JAK1: variants seen among roughly 807,000 people sequenced by gnomAD.
The protein encoded by JAK1 is Janus kinase 1, also known as tyrosine-protein kinase JAK1.
A neutral mutation model predicts 136.6 loss-of-function variants in JAK1; 16 were observed. The ratio of observed to expected loss-of-function variants is 0.12; its 90% CI spans 0.08 to 0.18. The LOEUF (loss-of-function observed/expected upper bound fraction) is 0.18. Ranked by LOEUF, JAK1 falls within the 10% of genes least tolerant of loss-of-function variation. The probability of loss-of-function intolerance (pLI) is 1.00; values close to 1 mark genes in which losing one functional copy is unlikely to be tolerated. For missense variants in JAK1, 859 were observed against 1,450.1 expected (o/e 0.59, Z 6.62); for synonymous variants, 492 against 519.5 (o/e 0.95, Z 0.72).
At chr1:64,928,785 A>AAAACAAAAAC (rs1645629677) in intron 1 of JAK1, among the ~76,000 whole-genome samples, 2 of 121,004 alleles carry the variant, frequency 1.7e-5, no homozygotes, top group Non-Finnish European at 3.1e-5. Flanking sequence ...CTGCAAAAAA[A>AAAACAAAAAC]AAAAAAAAAA....
chr1:65,066,829 A>G (rs1175435209), intron 1 of JAK1: 1 of 152,652 alleles, frequency 6.6e-6, no homozygotes, highest in Non-Finnish European at 1.5e-5. Flanking sequence ...TCCAGGCTCT[A>G]TTTACAGTCG....
rs569383895 is a variant in JAK1 at position 64,981,609 on chromosome 1, T to G, written c.-78+62871A>C. Among the ~76,000 whole-genome samples, 34 of 152,320 alleles carry G rather than the reference T, an allele frequency of 2.2e-4. 1 individual carries two copies. In the South Asian group the frequency reaches 6.2e-3, roughly 28 times the overall value. On this transcript the variant is annotated intron_variant, in intron 2 of 25. Transcript: ENST00000671954. The stretch of plus-strand genomic sequence containing the variant: ...AAAATATCTCTAAGAATGCACTGAG[T>G]ATTTAATCAATTTGCTTGAGATGGC...
chr1:65,009,464 T>A (rs1646831532), intron 2 of JAK1, among the ~76,000 whole-genome samples: 1 of 152,102 alleles, frequency 6.6e-6, no homozygotes, highest in African/African-American at 2.4e-5. Flanking sequence ...AAAGTACAAA[T>A]GTATCATTAA....
intron 12 of JAK1, among the ~76,000 whole-genome samples, chr1:64,848,666 A>G (rs1655396734): frequency 6.6e-6 from 1 of 152,208 alleles, no homozygotes; most frequent in African/African-American, 2.4e-5. Context: ...ATATTTGGAA[A>G]TCGAAATGGG....
chr1:64,943,975 C>A (rs1349177662), intron 1 of JAK1, among the ~76,000 whole-genome samples: 1 of 151,572 alleles, frequency 6.6e-6, no homozygotes, highest in East Asian at 1.9e-4. Flanking sequence ...GTAATCCCAG[C>A]ACTTTGGGAG....
chr1:64,974,162 T>C (rs532206077), intron 2 of JAK1: 1 of 152,174 alleles, frequency 6.6e-6, no homozygotes, highest in East Asian at 1.9e-4. Context: ...TTTGGTATTG[T>C]CCTAAAATCA....
At position 65,051,252 on chromosome 1, in the gene JAK1, A is replaced by G. The variant is rs527296453; in HGVS notation, c.-180-6670T>C. Among the ~76,000 whole-genome samples the G allele has an allele frequency of 2.6e-5, 4 of 152,130 alleles. No homozygotes were observed. The South Asian group carries it at 6.2e-4, about 24-fold the overall frequency. On this transcript the variant is annotated intron_variant, in intron 1 of 25. Transcript: ENST00000671954. ...AAAGATTCATGTCTCAATATACACTATATATTACACTAGACTTTTAAAATT... is the reference window on the plus strand; with the variant it reads ...AAAGATTCATGTCTCAATATACACTGTATATTACACTAGACTTTTAAAATT...
chr1:65,013,483 A>G (rs114765103), intron 2 of JAK1, among the ~76,000 whole-genome samples: 1 of 152,282 alleles, frequency 6.6e-6, no homozygotes, highest in African/African-American at 2.4e-5. Flanking sequence ...ATTTTCCCCA[A>G]ATTTCTACCC....
intron 2 of JAK1, among the ~76,000 whole-genome samples, chr1:65,030,534 C>A (rs1412458108): frequency 2.1e-5 from 3 of 139,836 alleles, no homozygotes; most frequent in East Asian, 2.3e-4. Flanking sequence ...AACCTCCTGA[C>A]AATTTTTTTT....
chr1:64,851,694 AC>A (rs1291918452), intron 11 of JAK1, among the ~76,000 whole-genome samples: 3 of 152,232 alleles, frequency 2.0e-5, no homozygotes, highest in African/African-American at 4.8e-5. Context: ...CTATGGAGCT[AC>A]TGCAAGGAAC....
At chr1:64,837,874 T>C in intron 22 of JAK1, 58 bp downstream of exon 22, 3 of 1,459,790 alleles carry the variant, frequency 2.1e-6, no homozygotes, top group Admixed American at 1.9e-5. Context: ...AAAGGGCCTA[T>C]TAAAACAGTG....
chr1:65,022,818 G>A lies in JAK1; in HGVS notation c.-78+21662C>T, dbSNP rs1362831057. On this transcript the variant is annotated intron_variant, in intron 2 of 25. Coordinates refer to the JAK1 transcript ENST00000671954. The stretch of plus-strand genomic sequence containing the variant: ...TAGCATTTTATTTAGGGCTTTCAAT[G>A]TGTATATCAAAGGAGAAACTAATCA... 5 of 152,240 alleles carry A rather than the reference G, an allele frequency of 3.3e-5. 1 individual carries two copies. Among genetic ancestry groups the A allele is most frequent in the Non-Finnish European group, 2.9e-5 (2 of 68,016 alleles). The allele number at this position is 152,240 out of a possible 1,614,324, so 9.4% of individuals were successfully genotyped here. A position where few individuals can be genotyped will look rare whatever the true frequency, so the allele number is the denominator to read the frequency against.
chr1:64,838,953 G>A (rs1218814601), intron 20 of JAK1, among the ~76,000 whole-genome samples: 1 of 151,416 alleles, frequency 6.6e-6, no homozygotes, highest in African/African-American at 2.4e-5. Flanking sequence ...AGACCATCCT[G>A]GCTAACACGG....
At chr1:64,934,375 C>A (rs1645750889) in intron 1 of JAK1, among the ~76,000 whole-genome samples, 1 of 152,196 alleles carries the variant, frequency 6.6e-6, no homozygotes, top group African/African-American at 2.4e-5. Flanking sequence ...AGGCTGGAGG[C>A]AGCCACACCA....
upstream of JAK1, among the ~76,000 whole-genome samples, chr1:64,966,892 C>G (rs750745510): frequency 6.6e-6 from 1 of 152,044 alleles, no homozygotes; most frequent in Non-Finnish European, 1.5e-5. Flanking sequence ...TTTGTGCGCT[C>G]GATGCAGAAA....
At chr1:64,877,790 C>A (rs747032425) in intron 4 of JAK1, among the ~76,000 whole-genome samples, 1 of 152,164 alleles carries the variant, frequency 6.6e-6, no homozygotes, top group Admixed American at 6.5e-5. Context: ...GCTGATCACA[C>A]AGCCAATCCC....
intron 2 of JAK1, among the ~76,000 whole-genome samples, chr1:65,014,446 GGGAAA>G (rs766444487): frequency 4.7e-5 from 7 of 148,854 alleles, no homozygotes; most frequent in African/African-American, 7.4e-5. Flanking sequence ...ATGGGAGGGA[GGGAAA>G]GGAAAGGAAA....
intron 4 of JAK1, among the ~76,000 whole-genome samples, chr1:64,878,491 T>C (rs1359419878): frequency 6.6e-6 from 1 of 151,402 alleles, no homozygotes; most frequent in Non-Finnish European, 1.5e-5. Context: ...AGGCAATGTT[T>C]CTCGAGCTTT....
Position 64,836,173 on chromosome 1 carries a change from G to A in JAK1, c.3183C>T (p.Ala1061=). Residue 1061 remains alanine, a synonymous_variant, in exon 23 of 25, where the codon GCC becomes GCT. Transcript: ENST00000342505. Reference sequence around the variant, plus strand: ...TGACTCCAAAAGACCAGACGTCAGAGGCAATATAAAATTTAGATTGCATTA... The same window carrying A: ...TGACTCCAAAAGACCAGACGTCAGAAGCAATATAAAATTTAGATTGCATTA... ...ECLMQSKFYI[A]SDVWSFGVTL... 6.2e-7 allele frequency: 1 copy of A among 1,612,938 alleles called. No individual in the cohort carries two copies. Among genetic ancestry groups the A allele is most frequent in the Non-Finnish European group, 8.5e-7 (1 of 1,179,028 alleles).
Sources: gnomAD v4.1 joint callset for allele counts (sites outside exome capture counted in the v4.1 genomes callset) on GRCh38, gnomAD v4.1.1 for gene constraint, MANE v1.5 for transcripts, NCBI Gene and HGNC (gene_info 2026-07-23, HGNC 2026-07-21) for gene names.